Variants in CMIP observed in about 807,000 individuals in gnomAD.
CMIP encodes c-Maf inducing protein.
CMIP carries 13 observed loss-of-function variants against 97.3 expected under a neutral mutation model. That is an observed-to-expected ratio of 0.13 (90% CI 0.09 to 0.21). CMIP has a LOEUF of 0.21. Ranked by LOEUF, CMIP falls within the 10% of genes least tolerant of loss-of-function variation. The pLI is 1.00. For synonymous variants in CMIP, 538 were observed against 436.3 expected, an observed-to-expected ratio of 1.23 and a Z score of -2.91; for missense variants, 847 against 1,024.9, an observed-to-expected ratio of 0.83 and a Z score of 2.37.
chr16:81,446,464 C>T (rs1289605566), intron 1 of CMIP, among the ~76,000 whole-genome samples: 1 of 151,924 alleles, frequency 6.6e-6, no homozygotes, highest in Non-Finnish European at 1.5e-5. Context: ...GGAGCCTGAA[C>T]AGGATGCTTT....
chr16:81,481,319 C>G (rs1908248348), intron 1 of CMIP, among the ~76,000 whole-genome samples: 1 of 152,194 alleles, frequency 6.6e-6, no homozygotes, highest in Non-Finnish European at 1.5e-5. Flanking sequence ...CTCCCTCATT[C>G]CAGCCTCATG....
At chr16:81,569,653 A>T (rs914729543) in intron 1 of CMIP, among the ~76,000 whole-genome samples, 1 of 152,240 alleles carries the variant, frequency 6.6e-6, no homozygotes, top group Non-Finnish European at 1.5e-5. Flanking sequence ...CTACTGTGTA[A>T]ATACTTACAC....
At chr16:81,462,568 G>A (rs916026297) in intron 1 of CMIP, among the ~76,000 whole-genome samples, 4 of 152,130 alleles carry the variant, frequency 2.6e-5, no homozygotes, top group African/African-American at 9.7e-5. Flanking sequence ...TGCTCCTTTG[G>A]CCAGGTAAGT....
At chr16:81,704,155 C>T (rs917629626) in intron 18 of CMIP, 70 bp downstream of exon 18, 47 of 1,404,734 alleles carry the variant, frequency 3.3e-5, no homozygotes, top group Admixed American at 1.4e-4. Context: ...CTCCCTATTC[C>T]CCCGTACCAT....
intron 1 of CMIP, among the ~76,000 whole-genome samples, chr16:81,589,094 T>C (rs1421831944): frequency 6.6e-6 from 1 of 152,166 alleles, no homozygotes; most frequent in African/African-American, 2.4e-5. Context: ...TTTCTTTCTT[T>C]GTTTTTCTTT....
chr16:81,705,365 AC>A (rs1176992337), intron 18 of CMIP, 133 bp from the exon 19 acceptor site: 2 of 622,290 alleles, frequency 3.2e-6, no homozygotes, highest in Non-Finnish European at 5.6e-6. Context: ...CGCAGCCCAG[AC>A]CCCAGGGCTT....
At chr16:81,660,320 C>G (rs2092530898) in intron 5 of CMIP, among the ~76,000 whole-genome samples, 1 of 151,608 alleles carries the variant, frequency 6.6e-6, no homozygotes, top group Non-Finnish European at 1.5e-5. Flanking sequence ...GTCACCCAGG[C>G]TAGAGTGCAG....
At chr16:81,629,460 C>A (rs2092123820) in intron 3 of CMIP, among the ~76,000 whole-genome samples, 2 of 152,222 alleles carry the variant, frequency 1.3e-5, no homozygotes, top group African/African-American at 4.8e-5. Flanking sequence ...CCCCTCTAGC[C>A]CAGCTCATCC....
intron 1 of CMIP, chr16:81,606,863 C>T (rs934254390): frequency 6.5e-6 from 1 of 154,868 alleles, no homozygotes; most frequent in African/African-American, 2.4e-5. Flanking sequence ...GAGATGAGAC[C>T]TGGAGAGTAG....
At chr16:81,541,086 T>C (rs2090441179) in intron 1 of CMIP, among the ~76,000 whole-genome samples, 1 of 152,000 alleles carries the variant, frequency 6.6e-6, no homozygotes, top group African/African-American at 2.4e-5. Flanking sequence ...AATTCAATTA[T>C]GTACTATATA....
chr16:81,504,799 A>G (rs1196464185), intron 1 of CMIP, among the ~76,000 whole-genome samples: 1 of 152,100 alleles, frequency 6.6e-6, no homozygotes, highest in Non-Finnish European at 1.5e-5. Flanking sequence ...CTAGGGAGAG[A>G]AATGAGGAGA....
intron 1 of CMIP, among the ~76,000 whole-genome samples, chr16:81,513,461 G>T (rs2150794266): frequency 6.6e-6 from 1 of 152,320 alleles, no homozygotes; most frequent in African/African-American, 2.4e-5. Flanking sequence ...GCTGGAGTGG[G>T]CTCCTTTCCA....
At chr16:81,602,252 A>G (rs994385414) in intron 1 of CMIP, among the ~76,000 whole-genome samples, 23 of 142,836 alleles carry the variant, frequency 1.6e-4, no homozygotes, top group Admixed American at 1.2e-3. Flanking sequence ...AATGTGGGGA[A>G]AAAAAAGGCG....
chr16:81,511,344 T>C (rs952918281), intron 1 of CMIP, among the ~76,000 whole-genome samples: 2 of 152,246 alleles, frequency 1.3e-5, no homozygotes, highest in African/African-American at 4.8e-5. Flanking sequence ...TCCCTAGTTA[T>C]TTCATTCATG....
At chr16:81,671,803 C>G (rs1251133776) in intron 8 of CMIP, among the ~76,000 whole-genome samples, 163 bp from the exon 9 acceptor site, 1 of 152,252 alleles carries the variant, frequency 6.6e-6, no homozygotes, top group African/African-American at 2.4e-5. Context: ...GGGCCCAAAT[C>G]CTGGTGCCAC....
intron 1 of CMIP, among the ~76,000 whole-genome samples, chr16:81,495,780 C>A (rs2089478819): frequency 6.6e-6 from 1 of 152,220 alleles, no homozygotes; most frequent in South Asian, 2.1e-4. Context: ...CAGCCATGGC[C>A]ACTCACTCTC....
At chr16:81,641,862 G>C (rs2092310356) in intron 3 of CMIP, among the ~76,000 whole-genome samples, 1 of 152,208 alleles carries the variant, frequency 6.6e-6, no homozygotes, top group Non-Finnish European at 1.5e-5. Flanking sequence ...GAGGTGCTCA[G>C]GTTTGCCTCT....
At chr16:81,522,699 C>G (rs1051561549) in intron 1 of CMIP, among the ~76,000 whole-genome samples, 54 of 152,120 alleles carry the variant, frequency 3.5e-4, no homozygotes, top group African/African-American at 1.2e-3. Flanking sequence ...TTCTACCGCC[C>G]CGACTAGAGC....
At chr16:81,478,490 G>C (rs1908066103) in intron 1 of CMIP, among the ~76,000 whole-genome samples, 1 of 152,170 alleles carries the variant, frequency 6.6e-6, no homozygotes, top group Non-Finnish European at 1.5e-5. Flanking sequence ...TGTCAGTCAG[G>C]GAGGCCACCG....
Sources: gnomAD v4.1 joint callset for allele counts (sites outside exome capture counted in the v4.1 genomes callset) on GRCh38, gnomAD v4.1.1 for gene constraint, MANE v1.5 for transcripts, NCBI Gene and HGNC (gene_info 2026-07-23, HGNC 2026-07-21) for gene names.